Variants in LDLRAD4 observed in about 807,000 individuals in gnomAD.
LDLRAD4 encodes low density lipoprotein receptor class A domain containing 4.
LDLRAD4 carries 5 observed loss-of-function variants against 17.0 expected under a neutral mutation model. The observed-to-expected ratio is 0.29, with a 90% CI of 0.15 to 0.62. LDLRAD4 has a LOEUF of 0.62. LDLRAD4 is among the 20% of genes least tolerant of loss of function. LDLRAD4 has a pLI of 0.84. For missense variants in LDLRAD4, 340 were observed against 424.7 expected, an observed-to-expected ratio of 0.80 and a Z score of 1.75; for synonymous variants, 168 against 171.8, an observed-to-expected ratio of 0.98 and a Z score of 0.17.
chr18:13,549,228 C>A (rs2094405635), intron 3 of LDLRAD4, among the ~76,000 whole-genome samples: 1 of 152,168 alleles, frequency 6.6e-6, no homozygotes, highest in East Asian at 1.9e-4. Flanking sequence ...ATGTAATTTG[C>A]CAAGCTCCCT....
chr18:13,235,250 TC>T (rs2042277878), intron 1 of LDLRAD4: 1 of 110,582 alleles, frequency 9.0e-6, no homozygotes, highest in Non-Finnish European at 1.8e-5. Context: ...AAACTCCATC[TC>T]AAAAAAAAAA....
chr18:13,356,145 C>G (rs2083326757), intron 1 of LDLRAD4, among the ~76,000 whole-genome samples: 1 of 152,230 alleles, frequency 6.6e-6, no homozygotes, highest in African/African-American at 2.4e-5. Flanking sequence ...TGATTTGGTC[C>G]CACTTTGAGA....
chr18:13,616,355 C>A (rs977436451), intron 3 of LDLRAD4, among the ~76,000 whole-genome samples: 1 of 152,130 alleles, frequency 6.6e-6, no homozygotes, highest in Non-Finnish European at 1.5e-5. Flanking sequence ...TCCTCACACA[C>A]GTTTCCAAGA....
chr18:13,542,122 C>G (rs1257989709), intron 3 of LDLRAD4, among the ~76,000 whole-genome samples: 1 of 152,236 alleles, frequency 6.6e-6, no homozygotes, highest in Non-Finnish European at 1.5e-5. Context: ...ACTTATATAA[C>G]AGCAATGCAG....
At chr18:13,336,497 C>T (rs745609358) in intron 1 of LDLRAD4, among the ~76,000 whole-genome samples, 1 of 152,108 alleles carries the variant, frequency 6.6e-6, no homozygotes, top group Non-Finnish European at 1.5e-5. Context: ...TGTTGACTCT[C>T]ATTTGTCATT....
intron 3 of LDLRAD4, among the ~76,000 whole-genome samples, chr18:13,517,333 C>G (rs912371420): frequency 6.6e-6 from 1 of 152,256 alleles, no homozygotes; most frequent in Non-Finnish European, 1.5e-5. Flanking sequence ...TCTTCTTTCT[C>G]TAACTGGATG....
intron 1 of LDLRAD4, among the ~76,000 whole-genome samples, chr18:13,378,571 A>C (rs1190631544): frequency 1.3e-5 from 2 of 152,182 alleles, no homozygotes; most frequent in East Asian, 3.8e-4. Flanking sequence ...TTTTCTTTCT[A>C]TTGCTGCTTT....
intron 3 of LDLRAD4, among the ~76,000 whole-genome samples, chr18:13,590,537 A>G (rs1041761471): frequency 1.3e-5 from 2 of 152,128 alleles, no homozygotes; most frequent in African/African-American, 2.4e-5. Context: ...CTCTGCTGCA[A>G]CCCCTCCTCT....
intron 3 of LDLRAD4, chr18:13,611,737 G>C (rs1017451205): frequency 2.0e-6 from 2 of 985,388 alleles, no homozygotes; most frequent in Non-Finnish European, 2.4e-6. Flanking sequence ...GGGGAATAAT[G>C]ATGTGAGGCA....
At chr18:13,336,216 G>T (rs1026208658) in intron 1 of LDLRAD4, among the ~76,000 whole-genome samples, 3 of 152,208 alleles carry the variant, frequency 2.0e-5, no homozygotes, top group Admixed American at 1.3e-4. Flanking sequence ...TCAAATGTCA[G>T]CATGAGGCTC....
At position 13,467,334 on chromosome 18, in the gene LDLRAD4, G is replaced by A. The variant is rs562235061; in HGVS notation, c.181+28950G>A. Among the ~76,000 whole-genome samples, 25 of 152,282 alleles carry A rather than the reference G, an allele frequency of 1.6e-4. No individual in the cohort carries two copies. In the South Asian group the frequency reaches 5.2e-3, roughly 32 times the overall value. Reference sequence around the variant, plus strand: ...CAACATCAACATGCAAAAATCAAGTGTGTTTCTATACATGTGCCATGAACA... The same window carrying A: ...CAACATCAACATGCAAAAATCAAGTATGTTTCTATACATGTGCCATGAACA... On this transcript the variant is annotated intron_variant, in intron 3 of 5. Transcript: ENST00000359446.
At chr18:13,382,032 T>TG (rs2085408959) in intron 1 of LDLRAD4, among the ~76,000 whole-genome samples, 1 of 152,230 alleles carries the variant, frequency 6.6e-6, no homozygotes, top group African/African-American at 2.4e-5. Context: ...TGAGCGTCTG[T>TG]GGGGCCTGGA....
At chr18:13,242,914 T>C (rs1452492684) in intron 1 of LDLRAD4, among the ~76,000 whole-genome samples, 1 of 152,260 alleles carries the variant, frequency 6.6e-6, no homozygotes, top group Non-Finnish European at 1.5e-5. Flanking sequence ...CTTATCCACC[T>C]ACCCATCCAC....
At chr18:13,388,510 G>A (rs1250963405) in intron 2 of LDLRAD4, among the ~76,000 whole-genome samples, 1 of 151,494 alleles carries the variant, frequency 6.6e-6, no homozygotes, top group Non-Finnish European at 1.5e-5. Context: ...TTTTGTGGAG[G>A]TTGCCTTTCA....
chr18:13,642,627 G>A (rs2042675492), intron 4 of LDLRAD4: 2 of 1,230,768 alleles, frequency 1.6e-6, no homozygotes. Context: ...TTGCGCCTCT[G>A]CTGGAGGCCG....
At chr18:13,348,560 C>T (rs1040535828) in intron 1 of LDLRAD4, among the ~76,000 whole-genome samples, 4 of 152,182 alleles carry the variant, frequency 2.6e-5, no homozygotes, top group Non-Finnish European at 4.4e-5. Context: ...TCTCAGATCT[C>T]AAGCGGCGTG....
chr18:13,377,344 C>G (rs994862268), intron 1 of LDLRAD4, among the ~76,000 whole-genome samples: 1 of 152,204 alleles, frequency 6.6e-6, no homozygotes, highest in Admixed American at 6.5e-5. Context: ...GTTTCCATAA[C>G]TTGGTCTGCC....
At chr18:13,411,251 C>CA (rs71174170) in intron 2 of LDLRAD4, among the ~76,000 whole-genome samples, 3,690 of 106,092 alleles carry the variant, frequency 0.035, 125 homozygotes, top group African/African-American at 0.1. Context: ...GACCCTGTCT[C>CA]AAAAAAAAAA....
At chr18:13,518,299 C>T (rs2093901020) in intron 3 of LDLRAD4, among the ~76,000 whole-genome samples, 1 of 152,216 alleles carries the variant, frequency 6.6e-6, no homozygotes, top group African/African-American at 2.4e-5. Context: ...GTCATTAGTT[C>T]ACTCCTCAGC....
Sources: allele counts gnomAD v4.1 joint callset (sites outside exome capture counted in the v4.1 genomes callset), GRCh38; gene constraint gnomAD v4.1.1; transcripts MANE v1.5; gene names NCBI Gene and HGNC (gene_info 2026-07-23, HGNC 2026-07-21).